ARHGAP28: variants seen among roughly 807,000 people sequenced by gnomAD.
ARHGAP28 encodes Rho GTPase activating protein 28, also known as rho GTPase-activating protein 28.
Under a neutral mutation model 90.7 loss-of-function variants are expected in ARHGAP28, and 56 were observed. The observed-to-expected ratio is 0.62, with a 90% CI of 0.50 to 0.77. The LOEUF (loss-of-function observed/expected upper bound fraction) is 0.77, where lower values mean the gene tolerates loss of function less well. Among genes scored for constraint, ARHGAP28 ranks in the 30% least tolerant of loss-of-function variants. ARHGAP28 has a pLI of 0.00. For missense variants in ARHGAP28, 869 were observed against 900.9 expected, an observed-to-expected ratio of 0.96 and a Z score of 0.45; for synonymous variants, 308 against 323.3, an observed-to-expected ratio of 0.95 and a Z score of 0.51.
chr18:6,896,788 TA>T (rs2057307902), intron 16 of ARHGAP28, 162 bp downstream of exon 16: 1 of 797,878 alleles, frequency 1.3e-6, no homozygotes, highest in Non-Finnish European at 1.9e-6. Flanking sequence ...ATGAAGTTAG[TA>T]GATATATGAT....
chr18:6,908,125 GTTTTATTTTA>G (rs55928161), intron 16 of ARHGAP28, among the ~76,000 whole-genome samples: 2 of 149,374 alleles, frequency 1.3e-5, no homozygotes, highest in African/African-American at 2.5e-5. Flanking sequence ...ATTTTATTTT[GTTTTATTTTA>G]TTTTATTTTA....
At chr18:6,795,009 G>C (rs1234508223) in intron 1 of ARHGAP28, among the ~76,000 whole-genome samples, 2 of 152,084 alleles carry the variant, frequency 1.3e-5, no homozygotes, top group Non-Finnish European at 2.9e-5. Flanking sequence ...ATTTTTCTTA[G>C]ATGCATGAAG....
At position 6,890,480 on chromosome 18, in the gene ARHGAP28, G is replaced by A. The variant is rs2057256390; in HGVS notation, c.1785G>A (p.Met595Ile). ...TAAGAAGAATGAATGAAGCCACGATGCTATTGAAGAAGCAGCTCCCAAGTG... is the reference window on the plus strand; with the variant it reads ...TAAGAAGAATGAATGAAGCCACGATACTATTGAAGAAGCAGCTCCCAAGTG... ...TQVRRMNEAT[M>I]LLKKQLPSVR... Residue 595 changes from methionine (M) to isoleucine (I), a missense_variant, in exon 14 of 18, where the codon ATG (methionine) becomes ATA (isoleucine). Transcript: ENST00000383472. The A allele has an allele frequency of 6.2e-7, 1 of 1,613,692 alleles. No individual in the cohort carries two copies. Among genetic ancestry groups the A allele is most frequent in the Non-Finnish European group, 8.5e-7 (1 of 1,179,858 alleles).
chr18:6,736,024 C>G (rs2055924278), intron 1 of ARHGAP28, among the ~76,000 whole-genome samples: 1 of 152,136 alleles, frequency 6.6e-6, no homozygotes, highest in South Asian at 2.1e-4. Flanking sequence ...CGATTTTCCT[C>G]TTTTTAATTA....
rs1415773603 is a variant in ARHGAP28 at position 6,841,160 on chromosome 18, TCTCTCTC to T, written c.543+3754_543+3760del. On this transcript the variant is annotated intron_variant, in intron 3 of 17. Coordinates refer to ENST00000383472, the MANE Select transcript of ARHGAP28 (RefSeq NM_001366230.1). Reference sequence around the variant, plus strand: ...TCTCTCACTGTCTCTCTCCTCTTTCTCTCTCTCCTCTCTCTCTCTCCTCTCTCTCTCT... The same window carrying T: ...TCTCTCACTGTCTCTCTCCTCTTTCTCTCTCTCTCTCTCCTCTCTCTCTCT... 6.6e-3 allele frequency among the ~76,000 whole-genome samples: 466 copies of T among 71,020 alleles called. 3 individuals carry two copies. The Middle Eastern group carries it at 0.074, about 11-fold the overall frequency. 46.6% of individuals were successfully genotyped at this position (71,020 alleles called of 152,430 possible). A position where few individuals can be genotyped will look rare whatever the true frequency, so the allele number is the denominator to read the frequency against.
Position 6,890,039 on chromosome 18 carries a change from C to G in ARHGAP28, c.1688C>G (p.Ala563Gly). 1 of 1,614,178 alleles carries G rather than the reference C, an allele frequency of 6.2e-7. No individual in the cohort carries two copies. Among genetic ancestry groups the G allele is most frequent in the Non-Finnish European group, 8.5e-7 (1 of 1,180,044 alleles). The change falls in exon 13 of 18, where the codon GCC becomes GGC. Residue 563 changes from alanine (A) to glycine (G), a missense_variant. Physicochemically the swap from Ala to Gly is moderately conservative, Grantham distance 60. Transcript: ENST00000383472. ...GAATTACTGTTAGCAAACACTGCGG[C>G]CCACATCATCCGCCTAATGCTTAAG... is the stretch of plus-strand genomic sequence containing the variant. ...YEELLLANTAAHIIRLMLKYQ... is the reference protein window; with the variant it reads ...YEELLLANTAGHIIRLMLKYQ...
chr18:6,729,978 C>A (rs2055862101), intron 1 of ARHGAP28, 35 bp downstream of exon 1: 4 of 1,319,822 alleles, frequency 3.0e-6, no homozygotes, highest in South Asian at 2.0e-5. Context: ...GCGGCGCAGT[C>A]GCGCTGGGCT....
chr18:6,882,840 G>C (rs1419590498), intron 11 of ARHGAP28, among the ~76,000 whole-genome samples: 4 of 152,236 alleles, frequency 2.6e-5, no homozygotes, highest in African/African-American at 9.6e-5. Context: ...AAGTCATATA[G>C]ATTAGGCCTT....
intron 11 of ARHGAP28, among the ~76,000 whole-genome samples, chr18:6,885,401 C>G (rs140717746): frequency 8.4e-4 from 128 of 152,230 alleles, no homozygotes; most frequent in African/African-American, 3.0e-3. Context: ...TAAGCTGTCC[C>G]TCTCAATACC....
At chr18:6,818,502 G>A (rs2056606253) in intron 1 of ARHGAP28, among the ~76,000 whole-genome samples, 1 of 152,110 alleles carries the variant, frequency 6.6e-6, no homozygotes, top group African/African-American at 2.4e-5. Flanking sequence ...ATATTCTAGT[G>A]GGGAAAATAG....
intron 2 of ARHGAP28, among the ~76,000 whole-genome samples, chr18:6,827,955 C>G (rs1268371361): frequency 2.0e-5 from 3 of 151,922 alleles, no homozygotes; most frequent in Non-Finnish European, 2.9e-5. Flanking sequence ...GGGTGGCGGC[C>G]GGGCAGAGGC....
intron 1 of ARHGAP28, among the ~76,000 whole-genome samples, chr18:6,804,585 A>G (rs1476539361): frequency 6.6e-6 from 1 of 152,222 alleles, no homozygotes; most frequent in Non-Finnish European, 1.5e-5. Context: ...CTGCTTTAGC[A>G]ATGTCCCACA....
intron 1 of ARHGAP28, among the ~76,000 whole-genome samples, chr18:6,768,194 C>A (rs1416215304): frequency 6.6e-6 from 1 of 151,900 alleles, no homozygotes; most frequent in African/African-American, 2.4e-5. Flanking sequence ...TTTTTAAGTC[C>A]TTAAATAGTT....
intron 1 of ARHGAP28, among the ~76,000 whole-genome samples, chr18:6,768,482 C>G (rs528694945): frequency 1.3e-4 from 19 of 151,940 alleles, no homozygotes; most frequent in Admixed American, 3.3e-4. Context: ...GAGTAAAACC[C>G]CAGGTTCTCA....
chr18:6,807,649 A>G (rs1242556224), intron 1 of ARHGAP28, among the ~76,000 whole-genome samples: 1 of 152,170 alleles, frequency 6.6e-6, no homozygotes, highest in Non-Finnish European at 1.5e-5. Flanking sequence ...ACCCTCGGTG[A>G]TTACTGGGAT....
Position 6,778,204 on chromosome 18 carries a change from A to G in ARHGAP28, c.123-46558A>G, listed in dbSNP as rs925208732. On this transcript the variant is annotated intron_variant, in intron 1 of 17. Transcript: ENST00000383472. ...TCAACCTTTCTCTAGGATTTTTTCC[A>G]TGAAGTTGGCATGTTGCATTTCTAG... is the stretch of plus-strand genomic sequence containing the variant. 3.2e-4 allele frequency among the ~76,000 whole-genome samples: 48 copies of G among 152,216 alleles called. 1 individual carries two copies. The highest frequency in any genetic ancestry group is 1.5e-4 in the Non-Finnish European group (10 of 68,042).
intron 1 of ARHGAP28, among the ~76,000 whole-genome samples, chr18:6,803,880 G>T (rs1282579405): frequency 4.6e-5 from 7 of 152,036 alleles, no homozygotes; most frequent in African/African-American, 1.7e-4. Context: ...CCGGGTTCAC[G>T]CCATTCTCCT....
rs1015981531 is a variant in ARHGAP28, at chr18:6,853,141, A to G, written c.636+2015A>G. ...TCATCTGGCATGCTCAGGTTGTGTGACCTTCAACCTGGGGGTCCATGGTGT... is the reference window on the plus strand; with the variant it reads ...TCATCTGGCATGCTCAGGTTGTGTGGCCTTCAACCTGGGGGTCCATGGTGT... On this transcript the variant is annotated intron_variant, in intron 4 of 17. Coordinates refer to ENST00000383472, the MANE Select transcript of ARHGAP28 (RefSeq NM_001366230.1). Among the ~76,000 whole-genome samples the G allele has an allele frequency of 5.3e-5, 8 of 152,200 alleles. 1 individual carries two copies. The highest frequency in any genetic ancestry group is 2.0e-4 in the Admixed American group (3 of 15,292).
At chr18:6,743,189 C>T (rs575948467) in intron 1 of ARHGAP28, among the ~76,000 whole-genome samples, 54 of 152,092 alleles carry the variant, frequency 3.6e-4, no homozygotes, top group Non-Finnish European at 4.9e-4. Flanking sequence ...TGATCAAAGT[C>T]GAGAAAGAAA....
Sources: allele counts gnomAD v4.1 joint callset (sites outside exome capture counted in the v4.1 genomes callset), GRCh38; gene constraint gnomAD v4.1.1; transcripts MANE v1.5; gene names NCBI Gene and HGNC (gene_info 2026-07-23, HGNC 2026-07-21).